Variants in FMO3 observed in about 807,000 individuals in gnomAD.
FMO3 encodes the protein flavin containing dimethylaniline monoxygenase 3, also known as flavin-containing monooxygenase 3.
In FMO3, 40 loss-of-function variants were observed where a neutral mutation model predicts 39.4. The ratio of observed to expected loss-of-function variants is 1.02; its 90% CI spans 0.79 to 1.32. The LOEUF is 1.32. Among genes scored for constraint, FMO3 ranks in the 40% most tolerant of loss-of-function variants. FMO3 has a pLI of 0.00. For missense variants in FMO3, 680 were observed against 651.8 expected (o/e 1.04, Z -0.47); for synonymous variants, 219 against 228.8 (o/e 0.96, Z 0.39).
rs748801201 is a variant in FMO3 at position 171,110,913 on chromosome 1, C to A, written c.743C>A (p.Pro248Gln). 4 of 1,613,786 alleles carry A rather than the reference C, an allele frequency of 2.5e-6. No homozygotes were observed. In the South Asian group the frequency reaches 4.4e-5, roughly 18 times the overall value. ...RFGTFLKNNLPTAISDWLYVK... is the reference protein window; with the variant it reads ...RFGTFLKNNLQTAISDWLYVK... Reference sequence around the variant, plus strand: ...GGAACCTTCCTCAAGAACAATTTACCGACAGCCATCTCTGACTGGTTGTAC... The same window carrying A: ...GGAACCTTCCTCAAGAACAATTTACAGACAGCCATCTCTGACTGGTTGTAC... Residue 248 changes from proline (P) to glutamine (Q), a missense_variant, in exon 6 of 9, where the codon CCG becomes CAG. Pro to Gln is a moderately conservative substitution (Grantham distance 76, BLOSUM62 -1). Transcript: ENST00000367755.
At chr1:171,096,935 C>T (rs1051597146) in intron 2 of FMO3, among the ~76,000 whole-genome samples, 5 of 151,180 alleles carry the variant, frequency 3.3e-5, no homozygotes, top group African/African-American at 1.2e-4. Context: ...TGCTATCCCT[C>T]CCCACTCCCC....
chr1:171,116,841 G>T (rs752922447), intron 8 of FMO3, among the ~76,000 whole-genome samples: 2 of 152,144 alleles, frequency 1.3e-5, no homozygotes, highest in Non-Finnish European at 2.9e-5. Context: ...GTCTTTCTCA[G>T]CTGCATTGCA....
At chr1:171,094,655 T>C (rs555386720) in intron 2 of FMO3, among the ~76,000 whole-genome samples, 1 of 152,204 alleles carries the variant, frequency 6.6e-6, no homozygotes, top group Non-Finnish European at 1.5e-5. Flanking sequence ...ATTCTGCGTA[T>C]GGCTATCTAA....
rs1654919314 is a variant in FMO3, at chr1:171,095,612, C to A, written c.132+2822C>A. On this transcript the variant is annotated intron_variant, in intron 2 of 8. Coordinates refer to ENST00000367755, the MANE Select transcript of FMO3 (RefSeq NM_001002294.3). The stretch of plus-strand genomic sequence containing the variant: ...GTATTTAATGAAACAGTGTCTGTAA[C>A]AGCTGTTTAAATATTATAAAGACAT... Among the ~76,000 whole-genome samples, 3 of 150,468 alleles carry A rather than the reference C, an allele frequency of 2.0e-5. No homozygotes were observed. The Admixed American group carries it at 2.0e-4, about 10-fold the overall frequency.
At chr1:171,095,919 T>TA (rs1297708997) in intron 2 of FMO3, among the ~76,000 whole-genome samples, 1 of 95,820 alleles carries the variant, frequency 1.0e-5, no homozygotes, top group African/African-American at 4.3e-5. Flanking sequence ...TAAATATATA[T>TA]TTATATAATT....
In FMO3 at chr1:171,092,744, C is replaced by A; in HGVS notation, c.86C>A (p.Thr29Asn). 1.2e-6 allele frequency: 2 copies of A among 1,614,032 alleles called. No individual in the cohort carries two copies. The highest frequency in any genetic ancestry group is 1.7e-6 in the Non-Finnish European group (2 of 1,180,000). ...TGTCTGGAAGAGGGGCTGGAGCCCACCTGCTTTGAGAAGAGCAATGACATT... is the reference window on the plus strand; with the variant it reads ...TGTCTGGAAGAGGGGCTGGAGCCCAACTGCTTTGAGAAGAGCAATGACATT... ...RSCLEEGLEP[T>N]CFEKSNDIGG... Residue 29 changes from threonine (T) to asparagine (N), a missense_variant, in exon 2 of 9, where the codon ACC (threonine) becomes AAC (asparagine). Thr to Asn is a moderately conservative substitution (Grantham distance 65). Transcript: ENST00000367755.
chr1:171,091,564 T>C (rs1654706782), intron 1 of FMO3, among the ~76,000 whole-genome samples: 1 of 148,466 alleles, frequency 6.7e-6, no homozygotes, highest in Admixed American at 6.8e-5. Context: ...GGGAAAAAAT[T>C]GTTTTTAGGT....
intron 2 of FMO3, among the ~76,000 whole-genome samples, chr1:171,096,461 TAAATACATA>T (rs1655064553): frequency 1.6e-4 from 17 of 104,174 alleles, no homozygotes; most frequent in South Asian, 6.7e-4. Flanking sequence ...AAATATATAT[TAAATACATA>T]ATATATTTTA....
intron 2 of FMO3, among the ~76,000 whole-genome samples, chr1:171,098,849 G>C (rs909385472): frequency 2.0e-5 from 3 of 152,250 alleles, no homozygotes; most frequent in African/African-American, 7.2e-5. Flanking sequence ...TGGTGTGAGA[G>C]GGCATCCCTG....
chr1:171,115,573 C>A (rs28363590), intron 7 of FMO3, among the ~76,000 whole-genome samples: 34,531 of 152,070 alleles, frequency 0.23, 4,147 homozygotes, highest in South Asian at 0.28. Context: ...CAAGTTGATA[C>A]CAAGATTACC....
At chr1:171,116,715 T>G (rs1224474326) in intron 8 of FMO3, among the ~76,000 whole-genome samples, 1 of 152,212 alleles carries the variant, frequency 6.6e-6, no homozygotes, top group Non-Finnish European at 1.5e-5. Flanking sequence ...AGAATGAATC[T>G]GGAGAACTGG....
intron 1 of FMO3, 105 bp from the exon 2 acceptor site, chr1:171,092,548 A>G (rs956598563): frequency 6.6e-6 from 9 of 1,371,520 alleles, no homozygotes; most frequent in Non-Finnish European, 2.1e-6. Flanking sequence ...ATTAAAAAGT[A>G]AAGTTTTTAT....
At chr1:171,096,821 G>A (rs928845305) in intron 2 of FMO3, among the ~76,000 whole-genome samples, 8 of 137,476 alleles carry the variant, frequency 5.8e-5, no homozygotes, top group African/African-American at 2.1e-4. Flanking sequence ...TTAAGTTCTA[G>A]GGTACATGTG....
chr1:171,103,928 T>C lies in FMO3; in HGVS notation c.276T>C (p.Ile92=). 1 of 1,613,968 alleles carries C rather than the reference T, an allele frequency of 6.2e-7. No individual in the cohort carries two copies. The highest frequency in any genetic ancestry group is 8.5e-7 in the Non-Finnish European group (1 of 1,179,906). ...ACAGCAAGATCCAGGAATATATCATTGCATTTGCCAAAGAAAAGAACCTCC... is the reference window on the plus strand; with the variant it reads ...ACAGCAAGATCCAGGAATATATCATCGCATTTGCCAAAGAAAAGAACCTCC... The part of the protein sequence containing the change: ...MHNSKIQEYI[I]AFAKEKNLLK... Residue 92 remains isoleucine, a synonymous_variant, in exon 3 of 9, where the codon ATT becomes ATC. Coordinates refer to ENST00000367755, the MANE Select transcript of FMO3 (RefSeq NM_001002294.3).
rs1215716992 is a variant in FMO3, at chr1:171,114,350, C to T, written c.1171C>T (p.Gln391Ter). 2.5e-6 allele frequency: 4 copies of T among 1,612,232 alleles called. No individual in the cohort carries two copies. Among genetic ancestry groups the T allele is most frequent in the Non-Finnish European group, 3.4e-6 (4 of 1,178,740 alleles). ...TVDLQSRWAA[Q>*]VIKGTCTLPS... ...TGACCTCCAGTCCCGCTGGGCAGCA[C>T]AAGTAATAAAGGGTAAGTCAATAAA... is the stretch of plus-strand genomic sequence containing the variant. Residue 391 changes from glutamine (Q) to a stop codon, truncating the protein, a stop_gained, in exon 7 of 9, where the codon CAA (glutamine) becomes TAA (stop). Transcript: ENST00000367755. LOFTEE classifies it high-confidence loss of function.
chr1:171,106,926 A>G (rs1655666048), intron 3 of FMO3, among the ~76,000 whole-genome samples: 1 of 152,240 alleles, frequency 6.6e-6, no homozygotes, highest in Non-Finnish European at 1.5e-5. Context: ...AGGTCTTATG[A>G]GTCCATAAGT....
chr1:171,100,515 G>C (rs1049638562), intron 2 of FMO3: 1 of 152,258 alleles, frequency 6.6e-6, no homozygotes, highest in African/African-American at 2.4e-5. Context: ...TTTGGAAGAA[G>C]ATAACTTGTT....
At chr1:171,096,202 A>C (rs1655031518) in intron 2 of FMO3, among the ~76,000 whole-genome samples, 1 of 87,834 alleles carries the variant, frequency 1.1e-5, no homozygotes, top group Non-Finnish European at 1.9e-5. Context: ...TATTTATATC[A>C]ATATAATATT....
intron 7 of FMO3, 79 bp downstream of exon 7, chr1:171,114,441 T>A: frequency 2.8e-6 from 3 of 1,076,070 alleles, no homozygotes; most frequent in Non-Finnish European, 4.2e-6. Context: ...AAAACAATAA[T>A]CCTAGTTACA....
Sources: gnomAD v4.1 joint callset for allele counts (sites outside exome capture counted in the v4.1 genomes callset) on GRCh38, gnomAD v4.1.1 for gene constraint, MANE v1.5 for transcripts, NCBI Gene and HGNC (gene_info 2026-07-23, HGNC 2026-07-21) for gene names.